COL12A1: variants seen among roughly 807,000 people sequenced by gnomAD.
COL12A1 encodes the protein collagen type XII alpha 1 chain, also known as collagen alpha-1(XII) chain.
In COL12A1, 114 loss-of-function variants were observed where a neutral mutation model predicts 349.7. The observed-to-expected ratio is 0.33, with a 90% confidence interval of 0.28 to 0.38. The LOEUF (loss-of-function observed/expected upper bound fraction) is 0.38. Among genes scored for constraint, COL12A1 ranks in the 10% least tolerant of loss-of-function variants. The pLI is 1.00. For missense variants in COL12A1, 3,284 were observed against 3,756.9 expected (o/e 0.87, Z 3.29); for synonymous variants, 1,369 against 1,329.0 (o/e 1.03, Z -0.66).
chr6:75,193,585 A>AT (rs1770059010), intron 3 of COL12A1, among the ~76,000 whole-genome samples: 1 of 152,066 alleles, frequency 6.6e-6, no homozygotes, highest in Admixed American at 6.6e-5. Flanking sequence ...TTTTTTTACT[A>AT]TTTTTTAAAT....
intron 13 of COL12A1, 61 bp from the exon 14 acceptor site, chr6:75,165,840 T>C: frequency 6.8e-6 from 10 of 1,481,126 alleles, no homozygotes; most frequent in Non-Finnish European, 8.3e-6. Context: ...TTAAGTATTA[T>C]ATTCATTGAT....
At chr6:75,191,418 T>C (rs773867279) in intron 5 of COL12A1, among the ~76,000 whole-genome samples, 1 of 151,950 alleles carries the variant, frequency 6.6e-6, no homozygotes, top group Non-Finnish European at 1.5e-5. Flanking sequence ...TTTTCACCTA[T>C]TGCCAAAATC....
chr6:75,141,537 C>T (rs1766891295), intron 27 of COL12A1, among the ~76,000 whole-genome samples: 1 of 152,158 alleles, frequency 6.6e-6, no homozygotes, highest in Admixed American at 6.5e-5. Context: ...AATTTCAGTG[C>T]CACCTGACCT....
At chr6:75,195,437 T>G (rs1770169272) in intron 2 of COL12A1, among the ~76,000 whole-genome samples, 1 of 152,180 alleles carries the variant, frequency 6.6e-6, no homozygotes, top group African/African-American at 2.4e-5. Flanking sequence ...ACAATGATGG[T>G]TTTGGTTCAT....
In COL12A1 at chr6:75,183,938, T is replaced by C. The variant is rs1582198261; in HGVS notation, c.1204A>G (p.Ile402Val). ...ATTCCCTTCATGGCGGAAACACTGATCTGGTATTCTGTGTCTGCTGAGAGG... is the reference window on the plus strand; with the variant it reads ...ATTCCCTTCATGGCGGAAACACTGACCTGGTATTCTGTGTCTGCTGAGAGG... ...RDLSADTEYQ[I>V]SVSAMKGMTS... Residue 402 changes from isoleucine to valine, a missense_variant, in exon 9 of 66, where the codon ATC becomes GTC. By Grantham distance (29) the Ile-to-Val change is conservative (BLOSUM62 3). Around this residue, in one of 2 missense-constraint regions of COL12A1, gnomAD observed 2,601 missense variants for 2,824.8 expected, o/e 0.92. Transcript: ENST00000322507. The C allele has an allele frequency of 1.2e-6, 2 of 1,614,182 alleles. No individual in the cohort carries two copies. The highest frequency in any genetic ancestry group is 1.6e-4 in the Middle Eastern group (1 of 6,062).
chr6:75,160,581 A>T (rs778011334), intron 14 of COL12A1, among the ~76,000 whole-genome samples: 1 of 152,172 alleles, frequency 6.6e-6, no homozygotes, highest in East Asian at 1.9e-4. Flanking sequence ...TTTCTTATTT[A>T]CTTAGACATT....
rs771561737 is a variant in COL12A1 at position 75,085,158 on chromosome 6, C to A, written c.*1389G>T. ...TAAATGAGAATTTCAACACCTCCCC[C>A]AAGCCTCGCGGCGCGGCGCGTGATC... On this transcript the variant is annotated 3_prime_UTR_variant, in exon 66 of 66. Coordinates refer to ENST00000322507, the MANE Select transcript of COL12A1 (RefSeq NM_004370.6). 2.2e-5 allele frequency: 10 copies of A among 454,598 alleles called. No homozygotes were observed. Among genetic ancestry groups the A allele is most frequent in the South Asian group, 1.6e-4 (10 of 64,000 alleles). 28.2% of individuals were successfully genotyped at this position (454,598 alleles called of 1,614,324 possible).
Position 75,167,104 on chromosome 6 carries a change from C to T in COL12A1, c.2711-1325G>A, listed in dbSNP as rs577427728. Among the ~76,000 whole-genome samples, 3 of 152,254 alleles carry T rather than the reference C, an allele frequency of 2.0e-5. No individual in the cohort carries two copies. In the East Asian group the frequency reaches 5.8e-4, roughly 29 times the overall value. The stretch of plus-strand genomic sequence containing the variant: ...TTACCCTCAGCTCTTGAGGTTAATT[C>T]CCATTTGAAAGTCTTCTTTAGCTGT... On this transcript the variant is annotated intron_variant, in intron 13 of 65. Coordinates refer to ENST00000322507, the MANE Select transcript of COL12A1 (RefSeq NM_004370.6).
At chr6:75,119,289 T>A in intron 45 of COL12A1, 61 bp downstream of exon 45, 1 of 1,606,328 alleles carries the variant, frequency 6.2e-7, no homozygotes, top group African/African-American at 1.3e-5. Flanking sequence ...CAGCATGAGA[T>A]AATACACTCA....
chr6:75,136,923 T>A (rs139341863), intron 31 of COL12A1, among the ~76,000 whole-genome samples: 96 of 152,100 alleles, frequency 6.3e-4, no homozygotes, highest in Middle Eastern at 3.4e-3. Flanking sequence ...TCCATTTGGA[T>A]AATAGAAAAA....
chr6:75,122,004 C>T (rs1765756078), intron 43 of COL12A1, among the ~76,000 whole-genome samples: 1 of 151,940 alleles, frequency 6.6e-6, no homozygotes, highest in African/African-American at 2.4e-5. Flanking sequence ...GGACTACAGG[C>T]ATGTGCCACC....
In COL12A1 at chr6:75,184,117, G is replaced by A. The variant is rs1769482644; in HGVS notation, c.1025C>T (p.Ala342Val). 1 of 1,613,684 alleles carries A rather than the reference G, an allele frequency of 6.2e-7. No individual in the cohort carries two copies. The highest frequency in any genetic ancestry group is 8.5e-7 in the Non-Finnish European group (1 of 1,179,848). ...AACATATTTTGAAGAGACTTCCATG[G>A]CAATCAAATTTGAAGGAGGCTCAAC... The part of the protein sequence containing the change: ...EVVEPPSNLI[A>V]MEVSSKYVKL... The change falls in exon 9 of 66, where the codon GCC becomes GTC. Residue 342 changes from alanine (A) to valine (V), a missense_variant. By Grantham distance (64) the Ala-to-Val change is moderately conservative (BLOSUM62 0). Around this residue, in one of 2 missense-constraint regions of COL12A1, gnomAD observed 2,601 missense variants for 2,824.8 expected, o/e 0.92. Coordinates refer to ENST00000322507, the MANE Select transcript of COL12A1 (RefSeq NM_004370.6).
chr6:75,188,257 C>G, intron 8 of COL12A1, 105 bp downstream of exon 8: 1 of 1,213,404 alleles, frequency 8.2e-7, no homozygotes, highest in Non-Finnish European at 1.1e-6. Context: ...ATTGTAGAAT[C>G]ACTGGAAGAA....
At chr6:75,164,483 T>G (rs770514952) in intron 14 of COL12A1, among the ~76,000 whole-genome samples, 16 of 152,322 alleles carry the variant, frequency 1.1e-4, no homozygotes, top group Non-Finnish European at 2.1e-4. Context: ...AACAAAAGGA[T>G]TAAAGTTTTC....
At position 75,124,332 on chromosome 6, in the gene COL12A1, C is replaced by A; in HGVS notation, c.6647G>T (p.Gly2216Val). ...CCATTTGACACAGAATGTATCCCAC[C>A]CAATCTGGTAAGTTTTCAGATCTGT... ...NVTDLKTYQI[G>V]WDTFCVKWSP... is the part of the protein sequence containing the mutation. Residue 2216 changes from glycine (G) to valine (V), a missense_variant, in exon 41 of 66, where the codon GGG becomes GTG. Transcript: ENST00000322507. The A allele has an allele frequency of 6.2e-7, 1 of 1,613,042 alleles. No individual in the cohort carries two copies. Among genetic ancestry groups the A allele is most frequent in the Non-Finnish European group, 8.5e-7 (1 of 1,179,496 alleles).
chr6:75,099,998 G>T (rs1279369629), intron 58 of COL12A1, among the ~76,000 whole-genome samples: 2 of 152,098 alleles, frequency 1.3e-5, no homozygotes, highest in African/African-American at 2.4e-5. Flanking sequence ...TTCTAAAATT[G>T]TTGATACCCC....
rs574130536 is a variant in COL12A1 at position 75,147,592 on chromosome 6, A to G, written c.4417+83T>C. On this transcript the variant is annotated intron_variant, in intron 23 of 65. Transcript: ENST00000322507. Reference sequence around the variant, plus strand: ...AGAATGAATGTTAAATAAAGAAATTATTTGGAAGGTAGGCAAAAATGGGCC... The same window carrying G: ...AGAATGAATGTTAAATAAAGAAATTGTTTGGAAGGTAGGCAAAAATGGGCC... The G allele has an allele frequency of 1.4e-5, 18 of 1,284,160 alleles. No individual in the cohort carries two copies. In the South Asian group the frequency reaches 2.7e-4, roughly 19 times the overall value. 79.5% of individuals were successfully genotyped at this position (1,284,160 alleles called of 1,614,324 possible).
rs971928975 is a variant in COL12A1 at position 75,192,236 on chromosome 6, C to T, written c.310G>A (p.Val104Ile). The stretch of plus-strand genomic sequence containing the variant: ...CTTGTTAGTTGTCCTATAACTGGTA[C>T]ACTTTCTTCTACTTCATCATATGAA... ...ITSYDEVEES[V>I]PVIGQLTIQT... The change falls in exon 4 of 66, where the codon GTA (valine) becomes ATA (isoleucine). Residue 104 changes from valine to isoleucine, a missense_variant. Val to Ile is a conservative substitution (Grantham distance 29). Transcript: ENST00000322507. The T allele has an allele frequency of 2.5e-6, 4 of 1,603,708 alleles. No homozygotes were observed. The African/African-American group carries it at 5.4e-5, about 21-fold the overall frequency.
intron 46 of COL12A1, 33 bp from the exon 47 acceptor site, chr6:75,117,579 A>G: frequency 6.3e-7 from 1 of 1,598,550 alleles, no homozygotes. Flanking sequence ...TGAATCACGT[A>G]TCTCTTTTTC....
Sources: gnomAD v4.1 joint callset for allele counts (sites outside exome capture counted in the v4.1 genomes callset) on GRCh38, gnomAD v4.1.1 for gene constraint, gnomAD v4.1.1 regional missense constraint, MANE v1.5 for transcripts, NCBI Gene and HGNC (gene_info 2026-07-23, HGNC 2026-07-21) for gene names.